GABRB3: variants seen among roughly 807,000 people sequenced by gnomAD.
GABRB3 encodes gamma-aminobutyric acid type A receptor subunit beta3.
In GABRB3, 14 loss-of-function variants were observed where a neutral mutation model predicts 52.1. The ratio of observed to expected loss-of-function variants is 0.27; its 90% confidence interval spans 0.18 to 0.42. GABRB3 has a LOEUF of 0.42. Among genes scored for constraint, GABRB3 ranks in the 10% least tolerant of loss-of-function variants. The pLI is 1.00. For synonymous variants in GABRB3, 260 were observed against 232.3 expected (o/e 1.12, Z -1.08); for missense variants, 307 against 609.1 (o/e 0.50, Z 5.22).
At position 26,621,963 on chromosome 15, in the gene GABRB3, T is replaced by C. The variant is rs1403631938; in HGVS notation, c.241-429A>G. Reference sequence around the variant, plus strand: ...TCTATCTACAAACTCTCTCTGCAATTTGAGCCACTTTCCTCTGGTTCTGCC... The same window carrying C: ...TCTATCTACAAACTCTCTCTGCAATCTGAGCCACTTTCCTCTGGTTCTGCC... On this transcript the variant is annotated intron_variant, in intron 3 of 8. Transcript: ENST00000311550. This position sits in a 1 kb window ranked among gnomAD's most constrained non-coding sequence, Gnocchi z 4.1. Among the ~76,000 whole-genome samples the C allele has an allele frequency of 6.6e-6, 1 of 151,998 alleles. No homozygotes were observed. The highest frequency in any genetic ancestry group is 2.4e-5 in the African/African-American group (1 of 41,384).
chr15:26,554,144 G>GTATATATATATATATATAAAGTATA lies in GABRB3; in HGVS notation c.1081-6011_1081-6010insTATACTTTATATATATATATATATA, dbSNP rs547570760. On this transcript the variant is annotated intron_variant, in intron 8 of 8. Coordinates refer to ENST00000311550, the MANE Select transcript of GABRB3 (RefSeq NM_000814.6). ...GTGTGTGTGTATATATATATATAAAGTATATATATATATAAAGTATATATA... is the reference window on the plus strand; with the variant it reads ...GTGTGTGTGTATATATATATATAAAGTATATATATATATATATAAAGTATATATATATATATATAAAGTATATATA... Among the ~76,000 whole-genome samples the GTATATATATATATATATAAAGTATA allele has an allele frequency of 2.8e-4, 9 of 32,306 alleles. No individual in the cohort carries two copies. The South Asian group carries it at 3.0e-3, about 11-fold the overall frequency. The allele number at this position is 32,306 out of a possible 152,430, so 21.2% of individuals were successfully genotyped here. A position where few individuals can be genotyped will look rare whatever the true frequency, so the allele number is the denominator to read the frequency against.
chr15:26,660,895 G>A (rs1379249267), intron 3 of GABRB3, among the ~76,000 whole-genome samples: 1 of 152,204 alleles, frequency 6.6e-6, no homozygotes, highest in Non-Finnish European at 1.5e-5. Context: ...GTGAAGTGCA[G>A]TAGCGTGCAC....
chr15:26,718,271 C>T lies in GABRB3; in HGVS notation c.240+54131G>A, dbSNP rs975602012. ...TTACCCAGGCTGGAGTGCAATGGCA[C>T]GATCTCGGCTCACCGCAACCTCCGC... On this transcript the variant is annotated intron_variant, in intron 3 of 8. Coordinates refer to ENST00000311550, the MANE Select transcript of GABRB3 (RefSeq NM_000814.6). 3.6e-4 allele frequency among the ~76,000 whole-genome samples: 55 copies of T among 152,206 alleles called. 1 individual carries two copies. The highest frequency in any genetic ancestry group is 3.5e-3 in the Admixed American group (53 of 15,290).
chr15:26,638,430 C>T (rs531849992), intron 3 of GABRB3, among the ~76,000 whole-genome samples: 17 of 152,310 alleles, frequency 1.1e-4, no homozygotes, highest in African/African-American at 3.8e-4. Context: ...TCAGTTGAGC[C>T]GTGCTCCTTC....
At chr15:26,660,352 A>G (rs891275535) in intron 3 of GABRB3, among the ~76,000 whole-genome samples, 1 of 152,208 alleles carries the variant, frequency 6.6e-6, no homozygotes, top group Non-Finnish European at 1.5e-5. Flanking sequence ...TGTAATAAAC[A>G]GTTTTGTTAC....
intron 4 of GABRB3, among the ~76,000 whole-genome samples, chr15:26,609,477 A>T (rs866967388): frequency 5.4e-4 from 82 of 152,204 alleles, no homozygotes; most frequent in African/African-American, 1.9e-3. Context: ...TCTACTCGAT[A>T]TAAAACGCAT....
At chr15:26,665,162 C>T (rs977684874) in intron 3 of GABRB3, among the ~76,000 whole-genome samples, 1 of 152,034 alleles carries the variant, frequency 6.6e-6, no homozygotes, top group Admixed American at 6.6e-5. Flanking sequence ...TATAGTCGCC[C>T]TACTGTGCCA....
At chr15:26,731,999 G>A (rs373184423) in intron 3 of GABRB3, among the ~76,000 whole-genome samples, 25 of 152,154 alleles carry the variant, frequency 1.6e-4, no homozygotes, top group East Asian at 1.4e-3. Context: ...AGATGGACGC[G>A]TGGACAGATG....
chr15:26,749,266 T>A (rs137896427), intron 3 of GABRB3, among the ~76,000 whole-genome samples: 32 of 152,274 alleles, frequency 2.1e-4, no homozygotes, highest in Non-Finnish European at 4.3e-4. Flanking sequence ...TCTTTGAGAC[T>A]TTCTCTTAGA....
At chr15:26,731,059 ACTCGCT>A (rs56694755) in intron 3 of GABRB3, among the ~76,000 whole-genome samples, 29,072 of 132,144 alleles carry the variant, frequency 0.22, 4,165 homozygotes, top group African/African-American at 0.48. Flanking sequence ...AGGCTCTCTC[ACTCGCT>A]CTCGCTCTCT....
chr15:26,601,805 G>A (rs1891600298), intron 4 of GABRB3, among the ~76,000 whole-genome samples: 2 of 151,952 alleles, frequency 1.3e-5, no homozygotes, highest in African/African-American at 2.4e-5. Flanking sequence ...TACTACTAGA[G>A]CAAATCACCT....
At chr15:26,626,613 T>G (rs114967439) in intron 3 of GABRB3, among the ~76,000 whole-genome samples, 466 of 152,346 alleles carry the variant, frequency 3.1e-3, no homozygotes, top group African/African-American at 0.011. Context: ...ACTGCTGATA[T>G]TGATAGAATA....
intron 3 of GABRB3, chr15:26,658,487 CT>C (rs1443371333): frequency 6.6e-6 from 1 of 152,230 alleles, no homozygotes; most frequent in African/African-American, 2.4e-5. Context: ...CCATACACAT[CT>C]GTCTGATTCC....
intron 3 of GABRB3, among the ~76,000 whole-genome samples, chr15:26,677,517 T>A (rs1038983820): frequency 1.3e-5 from 2 of 152,146 alleles, no homozygotes; most frequent in Non-Finnish European, 2.9e-5. Flanking sequence ...ATATGCACTT[T>A]ACAGAATTCT....
intron 3 of GABRB3, among the ~76,000 whole-genome samples, chr15:26,667,001 G>C (rs28587679): frequency 0.29 from 44,305 of 151,952 alleles, 6,590 homozygotes; most frequent in Middle Eastern, 0.39. Flanking sequence ...ACAAGAACTG[G>C]TGCCCACCCC....
chr15:26,572,299 G>A, intron 6 of GABRB3, among the ~76,000 whole-genome samples: 1 of 152,146 alleles, frequency 6.6e-6, no homozygotes, highest in Non-Finnish European at 1.5e-5. Context: ...ATATGCTAGG[G>A]CACACGCCTA....
chr15:26,615,763 T>G, intron 4 of GABRB3: 1 of 1,133,196 alleles, frequency 8.8e-7, no homozygotes, highest in Non-Finnish European at 1.1e-6. Context: ...AGGAGCTAAG[T>G]GGCGACTGAC....
Position 26,773,014 on chromosome 15 carries a change from C to G in GABRB3, c.-52G>C. On this transcript the variant is annotated 5_prime_UTR_variant, in exon 1 of 9. Transcript: ENST00000311550. ...AGGGGGCGCCCCGCCGCCGTCGCGA[C>G]CCGCAGCCGGGGCTGCTCCTGCTGC... 7.8e-7 allele frequency: 1 copy of G among 1,280,506 alleles called. No homozygotes were observed. Among genetic ancestry groups the G allele is most frequent in the Non-Finnish European group, 9.9e-7 (1 of 1,007,102 alleles). 79.3% of individuals were successfully genotyped at this position (1,280,506 alleles called of 1,614,324 possible).
At chr15:26,584,174 C>T (rs570763306) in intron 4 of GABRB3, among the ~76,000 whole-genome samples, 1 of 152,264 alleles carries the variant, frequency 6.6e-6, no homozygotes, top group East Asian at 1.9e-4. Context: ...GCTATAGTCA[C>T]CATATTGTAC....
Sources: gnomAD v4.1 joint callset for allele counts (sites outside exome capture counted in the v4.1 genomes callset) on GRCh38, gnomAD v4.1.1 for gene constraint, Gnocchi (gnomAD v3.1) non-coding constraint, MANE v1.5 for transcripts, NCBI Gene and HGNC (gene_info 2026-07-23, HGNC 2026-07-21) for gene names.